Variants in DNM3 observed in about 807,000 individuals in gnomAD.
DNM3 encodes the protein dynamin-3.
A neutral mutation model predicts 101.6 loss-of-function variants in DNM3; 47 were observed. The ratio of observed to expected loss-of-function variants is 0.46; its 90% CI spans 0.37 to 0.59. The LOEUF is 0.59. Among genes scored for constraint, DNM3 ranks in the 20% least tolerant of loss-of-function variants. DNM3 has a pLI of 0.00. For missense variants in DNM3, 849 were observed against 1,085.7 expected (o/e 0.78, Z 3.06); for synonymous variants, 385 against 387.9 (o/e 0.99, Z 0.09).
At chr1:172,083,750 C>T (rs1238475456) in intron 12 of DNM3, among the ~76,000 whole-genome samples, 1 of 151,762 alleles carries the variant, frequency 6.6e-6, no homozygotes, top group African/African-American at 2.4e-5. Flanking sequence ...CAATAAATTT[C>T]CATATTTGCT....
At chr1:171,976,344 C>T (rs778114373) in intron 2 of DNM3, among the ~76,000 whole-genome samples, 2 of 152,194 alleles carry the variant, frequency 1.3e-5, no homozygotes, top group Non-Finnish European at 2.9e-5. Context: ...GCTTAACTGA[C>T]TTACAGTTCC....
intron 4 of DNM3, among the ~76,000 whole-genome samples, chr1:171,994,353 G>A (rs900935623): frequency 2.6e-5 from 4 of 152,052 alleles, no homozygotes; most frequent in Admixed American, 2.0e-4. Context: ...GGCCACTTAA[G>A]TCTTTGCTCA....
intron 17 of DNM3, among the ~76,000 whole-genome samples, chr1:172,364,859 A>G (rs1014250042): frequency 6.6e-6 from 1 of 151,916 alleles, no homozygotes; most frequent in Non-Finnish European, 1.5e-5. Flanking sequence ...TGCTCTGGCC[A>G]TGTGAAGTGC....
Position 172,003,069 on chromosome 1 carries a change from T to TA in DNM3, c.589+13924dup, listed in dbSNP as rs1465224355. On this transcript the variant is annotated intron_variant, in intron 4 of 20. Coordinates refer to ENST00000627582, the MANE Select transcript of DNM3 (RefSeq NM_015569.5). ...AAGACTTAAAAAAGTAAGAAGATAATAAATATATTCTCTCTTTTTCTGAAT... is the reference window on the plus strand; with the variant it reads ...AAGACTTAAAAAAGTAAGAAGATAATAAAATATATTCTCTCTTTTTCTGAAT... 3.3e-5 allele frequency among the ~76,000 whole-genome samples: 5 copies of TA among 152,006 alleles called. No individual in the cohort carries two copies. In the East Asian group the frequency reaches 7.7e-4, roughly 23 times the overall value.
chr1:171,936,816 T>G (rs1220333521), intron 2 of DNM3, among the ~76,000 whole-genome samples: 17 of 152,278 alleles, frequency 1.1e-4, no homozygotes, highest in Admixed American at 1.1e-3. Context: ...TAAAGAAAGA[T>G]ACCCAGTAAC....
At chr1:172,286,024 G>A (rs1046922362) in intron 15 of DNM3, among the ~76,000 whole-genome samples, 2 of 151,290 alleles carry the variant, frequency 1.3e-5, no homozygotes, top group African/African-American at 4.9e-5. Flanking sequence ...TGCATTGATA[G>A]TTCCTCAAAG....
chr1:171,989,764 C>T (rs1391533871), intron 4 of DNM3, among the ~76,000 whole-genome samples: 1 of 152,084 alleles, frequency 6.6e-6, no homozygotes, highest in Non-Finnish European at 1.5e-5. Context: ...CAGTGCTGGC[C>T]TTGGTGTGTG....
intron 13 of DNM3, among the ~76,000 whole-genome samples, chr1:172,106,233 C>T (rs1277761527): frequency 1.3e-5 from 2 of 152,032 alleles, no homozygotes; most frequent in Non-Finnish European, 2.9e-5. Context: ...CCAGCCTGAC[C>T]AACATGGCAA....
At chr1:172,086,797 CTG>C (rs1553369123) in intron 12 of DNM3, among the ~76,000 whole-genome samples, 7 of 152,060 alleles carry the variant, frequency 4.6e-5, no homozygotes, top group Non-Finnish European at 1.0e-4. Context: ...CTCTATAGCA[CTG>C]TTGCACAATA....
At chr1:171,986,221 G>C (rs554133043) in intron 2 of DNM3, among the ~76,000 whole-genome samples, 1 of 151,886 alleles carries the variant, frequency 6.6e-6, no homozygotes, top group East Asian at 1.9e-4. Flanking sequence ...TTCCTTTTTT[G>C]GGTACCACAG....
At chr1:172,008,178 T>C (rs754740089) in intron 4 of DNM3, among the ~76,000 whole-genome samples, 1 of 151,958 alleles carries the variant, frequency 6.6e-6, no homozygotes, top group Non-Finnish European at 1.5e-5. Flanking sequence ...TGTTGTTTCC[T>C]CCGGTATGCA....
chr1:171,877,237 A>G (rs1448373466), intron 1 of DNM3, among the ~76,000 whole-genome samples: 1 of 152,216 alleles, frequency 6.6e-6, no homozygotes, highest in Non-Finnish European at 1.5e-5. Flanking sequence ...TTAAAACACC[A>G]TATGTAAAAC....
chr1:172,299,270 C>A (rs1312827648), intron 15 of DNM3, among the ~76,000 whole-genome samples: 6 of 152,194 alleles, frequency 3.9e-5, no homozygotes, highest in African/African-American at 1.4e-4. Context: ...TGCCCAGACC[C>A]TGGGGGCTTT....
intron 2 of DNM3, among the ~76,000 whole-genome samples, chr1:171,933,716 G>A (rs1208707389): frequency 6.6e-6 from 1 of 152,130 alleles, no homozygotes; most frequent in African/African-American, 2.4e-5. Flanking sequence ...CAGGGATGAT[G>A]AAAGGGAACA....
At chr1:172,116,281 C>G (rs1348612372) in intron 13 of DNM3, among the ~76,000 whole-genome samples, 1 of 152,164 alleles carries the variant, frequency 6.6e-6, no homozygotes, top group Non-Finnish European at 1.5e-5. Flanking sequence ...ATGGATGTGT[C>G]TTTTTCACAC....
intron 4 of DNM3, among the ~76,000 whole-genome samples, chr1:172,024,767 A>G (rs963269736): frequency 6.6e-6 from 1 of 152,226 alleles, no homozygotes; most frequent in Non-Finnish European, 1.5e-5. Context: ...GGTGCATTCC[A>G]GCTCAGATAC....
At chr1:172,384,130 G>T (rs553534162) in intron 18 of DNM3, among the ~76,000 whole-genome samples, 1 of 152,042 alleles carries the variant, frequency 6.6e-6, no homozygotes, top group Non-Finnish European at 1.5e-5. Flanking sequence ...GGAAACTCCC[G>T]GAAGTCCCCC....
intron 1 of DNM3, among the ~76,000 whole-genome samples, chr1:171,871,327 C>T (rs1346862090): frequency 6.6e-6 from 1 of 152,140 alleles, no homozygotes; most frequent in Non-Finnish European, 1.5e-5. Flanking sequence ...TTATAAAGTT[C>T]CCAACAAAAC....
chr1:172,195,745 C>G (rs2059922955), intron 14 of DNM3, among the ~76,000 whole-genome samples: 1 of 151,786 alleles, frequency 6.6e-6, no homozygotes, highest in African/African-American at 2.4e-5. Context: ...ATGTTGAACC[C>G]TCCTAGCATA....
Sources: allele counts gnomAD v4.1 joint callset (sites outside exome capture counted in the v4.1 genomes callset), GRCh38; gene constraint gnomAD v4.1.1; transcripts MANE v1.5; gene names NCBI Gene and HGNC (gene_info 2026-07-23, HGNC 2026-07-21).